The following XKR4 variants were observed in gnomAD, a reference collection of about 807,000 sequenced individuals.
XKR4 encodes XK-related protein 4.
Under a neutral mutation model 53.9 loss-of-function variants are expected in XKR4, and 12 were observed. That is an observed-to-expected ratio of 0.22 (90% CI 0.14 to 0.36). The LOEUF (loss-of-function observed/expected upper bound fraction) is 0.36, where lower values mean the gene tolerates loss of function less well. Ranked by LOEUF, XKR4 falls within the 10% of genes least tolerant of loss-of-function variation. The pLI is 1.00. For synonymous variants in XKR4, 354 were observed against 362.4 expected, an observed-to-expected ratio of 0.98 and a Z score of 0.26; for missense variants, 799 against 859.5, an observed-to-expected ratio of 0.93 and a Z score of 0.88.
At chr8:55,159,304 C>G (rs773422976) in intron 1 of XKR4, among the ~76,000 whole-genome samples, 17 of 151,578 alleles carry the variant, frequency 1.1e-4, no homozygotes, top group Non-Finnish European at 2.2e-4. Context: ...CCATACATTT[C>G]AAAGCACTTG....
chr8:55,265,622 G>A (rs919871489), intron 1 of XKR4, among the ~76,000 whole-genome samples: 1 of 152,126 alleles, frequency 6.6e-6, no homozygotes, highest in Non-Finnish European at 1.5e-5. Context: ...GGGAGGCCAA[G>A]GCAGGAGGAT....
At chr8:55,253,705 T>C (rs1818392549) in intron 1 of XKR4, among the ~76,000 whole-genome samples, 1 of 151,462 alleles carries the variant, frequency 6.6e-6, no homozygotes. Flanking sequence ...AGCTGGTCTC[T>C]CACAGATTAT....
chr8:55,112,562 GTTTTTTTTTTT>G (rs761779642), intron 1 of XKR4, among the ~76,000 whole-genome samples: 5 of 77,212 alleles, frequency 6.5e-5, no homozygotes, highest in Admixed American at 2.1e-4. Flanking sequence ...TACTTTTCAG[GTTTTTTTTTTT>G]TTTTTTTTTT....
At chr8:55,326,468 CTTTTTT>C (rs10666278) in intron 1 of XKR4, among the ~76,000 whole-genome samples, 22 of 111,774 alleles carry the variant, frequency 2.0e-4, no homozygotes, top group Non-Finnish European at 2.6e-4. Flanking sequence ...ATTTTTTTTC[CTTTTTT>C]TTTTTTTTTT....
chr8:55,308,543 G>T lies in XKR4; in HGVS notation c.807-49135G>T, dbSNP rs140982056. Among the ~76,000 whole-genome samples the T allele has an allele frequency of 5.9e-5, 9 of 152,222 alleles. No individual in the cohort carries two copies. In the East Asian group the frequency reaches 1.4e-3, roughly 23 times the overall value. On this transcript the variant is annotated intron_variant, in intron 1 of 2. Transcript: ENST00000327381. Reference sequence around the variant, plus strand: ...CCAGGATCCAATCACCTCCCACCAGGTCCCTCCCTTGACACGTGGATATTA... The same window carrying T: ...CCAGGATCCAATCACCTCCCACCAGTTCCCTCCCTTGACACGTGGATATTA...
At chr8:55,202,543 C>CT (rs1817589525) in intron 1 of XKR4, among the ~76,000 whole-genome samples, 1 of 152,154 alleles carries the variant, frequency 6.6e-6, no homozygotes, top group South Asian at 2.1e-4. Context: ...CTATAAGGCT[C>CT]TTTAGGTGTG....
rs543618646 is a variant in XKR4 at position 55,304,706 on chromosome 8, G to T, written c.807-52972G>T. On this transcript the variant is annotated intron_variant, in intron 1 of 2. Coordinates refer to ENST00000327381, the MANE Select transcript of XKR4 (RefSeq NM_052898.2). ...CTGTATTGGGTGCATATATATTTAG[G>T]ATAGATAGCTCTTCTTGTTGAATTG... Among the ~76,000 whole-genome samples, 10 of 152,220 alleles carry T rather than the reference G, an allele frequency of 6.6e-5. No individual in the cohort carries two copies. The East Asian group carries it at 1.9e-3, about 29-fold the overall frequency.
intron 2 of XKR4, among the ~76,000 whole-genome samples, chr8:55,521,586 G>C (rs372607986): frequency 1.1e-4 from 16 of 152,332 alleles, no homozygotes; most frequent in African/African-American, 3.8e-4. Flanking sequence ...AGAAAAACCT[G>C]AAGGTCCCAG....
chr8:55,415,082 G>A (rs985591149), intron 2 of XKR4, among the ~76,000 whole-genome samples: 3 of 152,200 alleles, frequency 2.0e-5, no homozygotes, highest in African/African-American at 7.2e-5. Context: ...AACAGGCAGA[G>A]TACATCTTAC....
At chr8:55,451,315 G>C (rs1394752905) in intron 2 of XKR4, 3 of 618,354 alleles carry the variant, frequency 4.9e-6, no homozygotes, top group Non-Finnish European at 8.8e-6. Flanking sequence ...CGCCGCCATG[G>C]GGTTAGACAG....
chr8:55,192,605 A>T (rs1327424666), intron 1 of XKR4, among the ~76,000 whole-genome samples: 1 of 152,180 alleles, frequency 6.6e-6, no homozygotes, highest in East Asian at 1.9e-4. Flanking sequence ...CTGAGGGAGA[A>T]TTCCAGATTT....
intron 2 of XKR4, among the ~76,000 whole-genome samples, chr8:55,475,755 A>C (rs1224122070): frequency 2.0e-5 from 3 of 151,890 alleles, no homozygotes; most frequent in Non-Finnish European, 4.4e-5. Flanking sequence ...GGCGCACACC[A>C]CCACGCCCAG....
intron 2 of XKR4, among the ~76,000 whole-genome samples, chr8:55,412,280 A>C (rs1804788284): frequency 6.6e-6 from 1 of 152,114 alleles, no homozygotes. Context: ...TCTCTCTCTA[A>C]AGCTGCAGTG....
At chr8:55,478,531 C>G (rs1039678277) in intron 2 of XKR4, among the ~76,000 whole-genome samples, 6 of 151,990 alleles carry the variant, frequency 3.9e-5, no homozygotes, top group Non-Finnish European at 7.4e-5. Flanking sequence ...AATGACAGGA[C>G]CAACTCCACA....
intron 2 of XKR4, among the ~76,000 whole-genome samples, chr8:55,394,059 A>G (rs573754283): frequency 7.2e-5 from 11 of 152,234 alleles, no homozygotes; most frequent in Non-Finnish European, 1.6e-4. Flanking sequence ...AAATCGATGT[A>G]AGAAAACAAA....
intron 1 of XKR4, among the ~76,000 whole-genome samples, chr8:55,260,369 C>A (rs1422929442): frequency 6.6e-6 from 1 of 152,122 alleles, no homozygotes; most frequent in Admixed American, 6.5e-5. Flanking sequence ...GATCTGTTTG[C>A]CCTAGAGGTA....
chr8:55,381,999 T>C (rs938792345), intron 2 of XKR4, among the ~76,000 whole-genome samples: 2 of 152,244 alleles, frequency 1.3e-5, no homozygotes, highest in East Asian at 3.8e-4. Flanking sequence ...CTTCCAGTTA[T>C]GTTGTGTTTC....
At chr8:55,516,107 T>C (rs1351835383) in intron 2 of XKR4, among the ~76,000 whole-genome samples, 1 of 152,244 alleles carries the variant, frequency 6.6e-6, no homozygotes, top group Non-Finnish European at 1.5e-5. Context: ...CTTATGACAC[T>C]TATATTGCAC....
intron 2 of XKR4, among the ~76,000 whole-genome samples, chr8:55,518,362 C>G (rs1806746229): frequency 6.6e-6 from 1 of 152,186 alleles, no homozygotes; most frequent in African/African-American, 2.4e-5. Context: ...TTGGAATACT[C>G]TTTCTTTTTT....
Sources: gnomAD v4.1 joint callset for allele counts (sites outside exome capture counted in the v4.1 genomes callset) on GRCh38, gnomAD v4.1.1 for gene constraint, MANE v1.5 for transcripts, NCBI Gene and HGNC (gene_info 2026-07-23, HGNC 2026-07-21) for gene names.